Variants in STXBP5L observed in about 807,000 individuals in gnomAD.
The protein encoded by STXBP5L is syntaxin binding protein 5L.
Under a neutral mutation model 144.5 loss-of-function variants are expected in STXBP5L, and 65 were observed. The observed-to-expected ratio is 0.45, with a 90% CI of 0.37 to 0.55. The LOEUF is 0.55. STXBP5L is among the 20% of genes least tolerant of loss of function. The pLI is 0.00. For missense variants in STXBP5L, 1,298 were observed against 1,405.5 expected (o/e 0.92, Z 1.22); for synonymous variants, 505 against 469.6 (o/e 1.08, Z -0.97).
Position 120,930,548 on chromosome 3 carries a change from G to A in STXBP5L, c.189+20781G>A, listed in dbSNP as rs1246633313. The stretch of plus-strand genomic sequence containing the variant: ...ATCCTTGACTTTTTTTTCTTTCTTT[G>A]GATGTCTTAAATATGCTACTAATTT... On this transcript the variant is annotated intron_variant, in intron 2 of 26. Coordinates refer to ENST00000471454, the MANE Select transcript of STXBP5L (RefSeq NM_001308330.2). Among the ~76,000 whole-genome samples the A allele has an allele frequency of 2.0e-5, 3 of 151,592 alleles. No individual in the cohort carries two copies. The South Asian group carries it at 6.2e-4, about 32-fold the overall frequency.
chr3:121,312,436 GTA>G (rs1241613900), intron 19 of STXBP5L, among the ~76,000 whole-genome samples: 1 of 90,642 alleles, frequency 1.1e-5, no homozygotes, highest in Non-Finnish European at 2.2e-5. Flanking sequence ...TTGACTTAAG[GTA>G]TGTCAATCTT....
intron 5 of STXBP5L, among the ~76,000 whole-genome samples, chr3:121,102,532 C>T (rs1018289105): frequency 6.6e-6 from 1 of 151,778 alleles, no homozygotes; most frequent in African/African-American, 2.4e-5. Flanking sequence ...AACTAGACCT[C>T]TACCATACAC....
At chr3:120,990,150 C>T (rs1350935268) in intron 3 of STXBP5L, among the ~76,000 whole-genome samples, 1 of 152,140 alleles carries the variant, frequency 6.6e-6, no homozygotes, top group Non-Finnish European at 1.5e-5. Flanking sequence ...CACAGGCATT[C>T]TTATACACCA....
chr3:121,085,842 C>T (rs2042464389), intron 5 of STXBP5L, among the ~76,000 whole-genome samples: 1 of 151,980 alleles, frequency 6.6e-6, no homozygotes, highest in Non-Finnish European at 1.5e-5. Flanking sequence ...TCATATAGAA[C>T]CAAAAAAGGG....
In STXBP5L at chr3:121,027,088, T is replaced by G. The variant is rs369478416; in HGVS notation, c.288-14612T>G. ...AAATGAATGTAAGTTTTTCTATTTA[T>G]GTGTATATATGTATATATATATGTG... On this transcript the variant is annotated intron_variant, in intron 3 of 26. Coordinates refer to ENST00000471454, the MANE Select transcript of STXBP5L (RefSeq NM_001308330.2). Among the ~76,000 whole-genome samples, 4 of 151,928 alleles carry G rather than the reference T, an allele frequency of 2.6e-5. No homozygotes were observed. The South Asian group carries it at 8.3e-4, about 31-fold the overall frequency.
At chr3:121,133,329 T>G (rs889738578) in intron 7 of STXBP5L, among the ~76,000 whole-genome samples, 1 of 152,174 alleles carries the variant, frequency 6.6e-6, no homozygotes, top group African/African-American at 2.4e-5. Context: ...TTCAGATATG[T>G]TATTATCAGA....
chr3:121,260,975 CT>C (rs2050364895), intron 18 of STXBP5L, among the ~76,000 whole-genome samples: 1 of 152,136 alleles, frequency 6.6e-6, no homozygotes, highest in Admixed American at 6.6e-5. Context: ...GGATAGCCTA[CT>C]GTTTCATTAT....
At chr3:121,413,471 T>A in intron 24 of STXBP5L, 148 bp downstream of exon 24, 1 of 647,714 alleles carries the variant, frequency 1.5e-6, no homozygotes, top group Non-Finnish European at 2.3e-6. Context: ...ATTTTGAGCC[T>A]ACCAACTTCT....
chr3:121,047,763 TG>T (rs1947624681), intron 5 of STXBP5L, among the ~76,000 whole-genome samples: 2 of 152,180 alleles, frequency 1.3e-5, no homozygotes, highest in Admixed American at 6.6e-5. Flanking sequence ...ATGGGTCTCT[TG>T]AAGACAGCAT....
chr3:121,017,139 A>T (rs905934397), intron 3 of STXBP5L, among the ~76,000 whole-genome samples: 2 of 152,212 alleles, frequency 1.3e-5, no homozygotes, highest in African/African-American at 4.8e-5. Flanking sequence ...TAGCATTAAA[A>T]AAATTAATGT....
At chr3:120,990,050 C>T (rs919692486) in intron 3 of STXBP5L, among the ~76,000 whole-genome samples, 3 of 151,486 alleles carry the variant, frequency 2.0e-5, no homozygotes, top group Non-Finnish European at 2.9e-5. Flanking sequence ...ATTGTATATC[C>T]AGAAAACCCC....
chr3:121,303,412 A>G (rs1270500623), intron 19 of STXBP5L, among the ~76,000 whole-genome samples: 2 of 152,132 alleles, frequency 1.3e-5, no homozygotes, highest in Admixed American at 6.5e-5. Context: ...AAATAGGAAT[A>G]CTTTTACAGT....
chr3:121,207,983 G>T (rs1016596506), intron 10 of STXBP5L, among the ~76,000 whole-genome samples: 2 of 152,098 alleles, frequency 1.3e-5, no homozygotes, highest in African/African-American at 4.8e-5. Context: ...CCCTTACTGG[G>T]TATATACCCA....
chr3:121,212,796 A>G (rs545992062), intron 10 of STXBP5L, among the ~76,000 whole-genome samples: 2 of 152,150 alleles, frequency 1.3e-5, no homozygotes, highest in Non-Finnish European at 2.9e-5. Flanking sequence ...TCTATAAAGT[A>G]TTTTGAGCAG....
At chr3:121,219,771 G>A (rs759359701) in intron 10 of STXBP5L, among the ~76,000 whole-genome samples, 1 of 152,006 alleles carries the variant, frequency 6.6e-6, no homozygotes, top group African/African-American at 2.4e-5. Context: ...TCTGTTAAAT[G>A]GAGATAATAA....
chr3:121,352,294 T>C (rs1468982521), intron 20 of STXBP5L, among the ~76,000 whole-genome samples: 1 of 152,172 alleles, frequency 6.6e-6, no homozygotes, highest in Non-Finnish European at 1.5e-5. Flanking sequence ...ATTTTCACGA[T>C]ATTGATTCTT....
intron 3 of STXBP5L, among the ~76,000 whole-genome samples, chr3:120,984,989 C>G (rs1942159412): frequency 6.6e-6 from 1 of 152,040 alleles, no homozygotes; most frequent in African/African-American, 2.4e-5. Context: ...TTGAACAATT[C>G]TTGCATCTCA....
At chr3:121,339,632 G>A (rs894866465) in intron 20 of STXBP5L, among the ~76,000 whole-genome samples, 10 of 151,986 alleles carry the variant, frequency 6.6e-5, no homozygotes, top group South Asian at 2.1e-4. Flanking sequence ...TATATTTGCC[G>A]ACGATATGAT....
intron 5 of STXBP5L, among the ~76,000 whole-genome samples, chr3:121,049,058 G>C (rs1947740052): frequency 6.6e-6 from 1 of 152,168 alleles, no homozygotes; most frequent in African/African-American, 2.4e-5. Flanking sequence ...AAAGCACAGA[G>C]CTGCTACTAG....
Sources: allele counts gnomAD v4.1 joint callset (sites outside exome capture counted in the v4.1 genomes callset), GRCh38; gene constraint gnomAD v4.1.1; transcripts MANE v1.5; gene names NCBI Gene and HGNC (gene_info 2026-07-23, HGNC 2026-07-21).